The following SEC22C variants were observed in gnomAD, a reference collection of about 807,000 sequenced individuals.
SEC22C encodes the protein vesicle-trafficking protein SEC22c.
Under a neutral mutation model 34.7 loss-of-function variants are expected in SEC22C, and 29 were observed. The ratio of observed to expected loss-of-function variants is 0.84; its 90% CI spans 0.62 to 1.14. The LOEUF is 1.14. SEC22C is among the 50% of genes most tolerant of loss of function. The probability of loss-of-function intolerance (pLI) is 0.00; values close to 1 mark genes in which losing one functional copy is unlikely to be tolerated. For synonymous variants in SEC22C, 117 were observed against 132.8 expected (o/e 0.88, Z 0.82); for missense variants, 337 against 369.0 (o/e 0.91, Z 0.71).
chr3:42,560,786 G>A (rs34243788), intron 4 of SEC22C, among the ~76,000 whole-genome samples: 1 of 151,868 alleles, frequency 6.6e-6, no homozygotes, highest in African/African-American at 2.4e-5. Flanking sequence ...CTACAGGCAC[G>A]AGCCACCACC....
intron 3 of SEC22C, among the ~76,000 whole-genome samples, chr3:42,562,210 C>T (rs1702965006): frequency 6.6e-6 from 1 of 152,208 alleles, no homozygotes; most frequent in South Asian, 2.1e-4. Flanking sequence ...TCCCACTCAA[C>T]AATGAGCAAA....
rs199877158 is a variant in SEC22C at position 42,569,069 on chromosome 3, G to T, written c.-23C>A. ...CATGGTCCACAAGAGAAGTCATGAG[G>T]ACACCTGAGGAAAGCAAGGTCACCT... On this transcript the variant is annotated 5_prime_UTR_variant, in exon 2 of 7. Transcript: ENST00000264454. 4 of 1,606,648 alleles carry T rather than the reference G, an allele frequency of 2.5e-6. No individual in the cohort carries two copies. The highest frequency in any genetic ancestry group is 3.4e-6 in the Non-Finnish European group (4 of 1,175,316).
chr3:42,551,242 T>C lies in SEC22C; in HGVS notation c.*2006A>G. On this transcript the variant is annotated 3_prime_UTR_variant, in exon 7 of 7. Coordinates refer to ENST00000264454, the MANE Select transcript of SEC22C (RefSeq NM_032970.4). ...CTTCAAAATTGTCTCCCAGAAAAAC[T>C]GAAAATTCACCTGCTGGGTATGCAG... 2 of 985,430 alleles carry C rather than the reference T, an allele frequency of 2.0e-6. No homozygotes were observed. The highest frequency in any genetic ancestry group is 2.4e-6 in the Non-Finnish European group (2 of 829,934). The allele number at this position is 985,430 out of a possible 1,614,324, so 61.0% of individuals were successfully genotyped here. A position where few individuals can be genotyped will look rare whatever the true frequency, so the allele number is the denominator to read the frequency against.
intron 2 of SEC22C, among the ~76,000 whole-genome samples, chr3:42,567,445 T>C (rs901382045): frequency 2.6e-5 from 4 of 152,232 alleles, no homozygotes; most frequent in Non-Finnish European, 5.9e-5. Context: ...TGCATTCAAA[T>C]CCTGGGCTGA....
chr3:42,580,348 C>T (rs900838568), intron 1 of SEC22C: 2 of 152,228 alleles, frequency 1.3e-5, no homozygotes, highest in Non-Finnish European at 2.9e-5. Flanking sequence ...TATTCAAACA[C>T]AAAGTGTTCA....
At position 42,551,656 on chromosome 3, in the gene SEC22C, G is replaced by A; in HGVS notation, c.*1592C>T. On this transcript the variant is annotated 3_prime_UTR_variant, in exon 7 of 7. Transcript: ENST00000264454. ...CCTGGCCCATATCCAAATATTTTATGTTTGGTCAAAAATAGAAAATTCTAT... is the reference window on the plus strand; with the variant it reads ...CCTGGCCCATATCCAAATATTTTATATTTGGTCAAAAATAGAAAATTCTAT... The A allele has an allele frequency of 1.0e-6, 1 of 959,014 alleles. No homozygotes were observed. The highest frequency in any genetic ancestry group is 1.2e-6 in the Non-Finnish European group (1 of 805,906). The allele number at this position is 959,014 out of a possible 1,614,324, so 59.4% of individuals were successfully genotyped here.
chr3:42,551,588 T>C lies in SEC22C; in HGVS notation c.*1660A>G. The C allele has an allele frequency of 1.4e-6, 1 of 703,894 alleles. No homozygotes were observed. The highest frequency in any genetic ancestry group is 1.7e-6 in the Non-Finnish European group (1 of 573,268). The allele number at this position is 703,894 out of a possible 1,614,324, so 43.6% of individuals were successfully genotyped here. On this transcript the variant is annotated 3_prime_UTR_variant, in exon 7 of 7. Coordinates refer to ENST00000264454, the MANE Select transcript of SEC22C (RefSeq NM_032970.4). Reference sequence around the variant, plus strand: ...ACTGGCCTCAACCGAGTCTCCTGCTTTGGCCTTCCAAAGTGCTGGGAATAC... The same window carrying C: ...ACTGGCCTCAACCGAGTCTCCTGCTCTGGCCTTCCAAAGTGCTGGGAATAC...
intron 1 of SEC22C, among the ~76,000 whole-genome samples, chr3:42,573,929 A>G (rs189615188): frequency 5.3e-5 from 8 of 152,314 alleles, no homozygotes; most frequent in Admixed American, 4.6e-4. Flanking sequence ...GGGCTGAAAA[A>G]GTATTCAAAG....
At chr3:42,571,987 T>G (rs1703659668) in intron 1 of SEC22C, among the ~76,000 whole-genome samples, 1 of 152,040 alleles carries the variant, frequency 6.6e-6, no homozygotes, top group Non-Finnish European at 1.5e-5. Context: ...GAGCTGAGAT[T>G]GTGTCACTGC....
intron 1 of SEC22C, among the ~76,000 whole-genome samples, chr3:42,597,901 A>G (rs1705075695): frequency 6.6e-6 from 1 of 152,240 alleles, no homozygotes; most frequent in Non-Finnish European, 1.5e-5. Flanking sequence ...ATCCATTAGG[A>G]TGGCAATAAA....
At chr3:42,565,771 G>A (rs568522152) in intron 2 of SEC22C, 30 of 415,322 alleles carry the variant, frequency 7.2e-5, no homozygotes, top group Admixed American at 4.3e-4. Flanking sequence ...ATGGCCCTGC[G>A]ATACCTGTGA....
chr3:42,574,679 A>G (rs991920375), intron 1 of SEC22C, among the ~76,000 whole-genome samples: 1 of 152,226 alleles, frequency 6.6e-6, no homozygotes, highest in African/African-American at 2.4e-5. Context: ...AAAAGGAGGT[A>G]AAGTTTCTAC....
Position 42,561,258 on chromosome 3 carries a change from C to A in SEC22C, c.385G>T (p.Val129Leu). ...CTGCACTCCATCTGAGAGGAACTTA[C>A]ATAGTTAAAATGCCACTTCACTTTC... is the stretch of plus-strand genomic sequence containing the variant. ...IQKVKWHFNY[V>L]SSSQMECSLE... is the part of the protein sequence containing the mutation. Residue 129 changes from valine to leucine, a missense_variant, in exon 4 of 7, where the codon GTA (valine) becomes TTA (leucine). Physicochemically the swap from Val to Leu is conservative, Grantham distance 32 (BLOSUM62 1). Transcript: ENST00000264454. 6.2e-7 allele frequency: 1 copy of A among 1,614,206 alleles called. No homozygotes were observed. Among genetic ancestry groups the A allele is most frequent in the South Asian group, 1.1e-5 (1 of 91,086 alleles).
exon 1 of SEC22C, chr3:42,601,013 G>T: frequency 6.3e-6 from 10 of 1,577,216 alleles, no homozygotes; most frequent in Non-Finnish European, 8.6e-6. Flanking sequence ...CGCGATGGGG[G>T]CGCAGGACCG....
chr3:42,584,370 T>G (rs570927830), upstream of SEC22C, among the ~76,000 whole-genome samples: 295 of 152,288 alleles, frequency 1.9e-3, no homozygotes, highest in African/African-American at 6.9e-3. Flanking sequence ...TTCTTCTGCC[T>G]CAGCCTCCCA....
chr3:42,555,068 G>A (rs1165604160), intron 6 of SEC22C, among the ~76,000 whole-genome samples: 1 of 152,012 alleles, frequency 6.6e-6, no homozygotes, highest in Admixed American at 6.6e-5. Flanking sequence ...TGCAGAGGTC[G>A]GGCGTGGTGG....
upstream of SEC22C, among the ~76,000 whole-genome samples, chr3:42,582,887 T>A (rs952783279): frequency 1.3e-5 from 2 of 152,222 alleles, no homozygotes; most frequent in African/African-American, 4.8e-5. Context: ...AAGTTAGTGC[T>A]TAATAGGTAC....
At chr3:42,557,749 G>A in intron 4 of SEC22C, 53 bp from the exon 5 acceptor site, 1 of 899,734 alleles carries the variant, frequency 1.1e-6, no homozygotes, top group Non-Finnish European at 1.8e-6. Context: ...CTACATGAAA[G>A]AAAAATAAAC....
chr3:42,557,315 C>G (rs947417676), intron 5 of SEC22C, among the ~76,000 whole-genome samples: 3 of 152,176 alleles, frequency 2.0e-5, no homozygotes, highest in African/African-American at 7.2e-5. Flanking sequence ...CCAAGAGCCA[C>G]AGGGTGGTCT....
Sources: gnomAD v4.1 joint callset for allele counts (sites outside exome capture counted in the v4.1 genomes callset) on GRCh38, gnomAD v4.1.1 for gene constraint, MANE v1.5 for transcripts, NCBI Gene and HGNC (gene_info 2026-07-23, HGNC 2026-07-21) for gene names.